Variants in RPS6KA4 observed in about 807,000 individuals in gnomAD.
RPS6KA4 encodes the protein ribosomal protein S6 kinase alpha-4.
In RPS6KA4, 38 loss-of-function variants were observed where a neutral mutation model predicts 89.6. The observed-to-expected ratio is 0.42, with a 90% CI of 0.33 to 0.56. RPS6KA4 has a LOEUF of 0.56. Among genes scored for constraint, RPS6KA4 ranks in the 20% least tolerant of loss-of-function variants. The probability of loss-of-function intolerance (pLI) is 0.07; values close to 1 mark genes in which losing one functional copy is unlikely to be tolerated. For missense variants in RPS6KA4, 873 were observed against 1,098.8 expected, an observed-to-expected ratio of 0.79 and a Z score of 2.90; for synonymous variants, 495 against 492.8, an observed-to-expected ratio of 1.00 and a Z score of -0.06.
chr11:64,361,244 G>A lies in RPS6KA4; in HGVS notation c.570+3G>A. The A allele has an allele frequency of 2.5e-6, 4 of 1,611,682 alleles. No homozygotes were observed. Among genetic ancestry groups the A allele is most frequent in the Non-Finnish European group, 3.4e-6 (4 of 1,178,664 alleles). ...GCAAGGAGTTCCTGACGGAGGAGGTGAGTGGAGGCCACCTCTGCCTGCAGT... is the reference window on the plus strand; with the variant it reads ...GCAAGGAGTTCCTGACGGAGGAGGTAAGTGGAGGCCACCTCTGCCTGCAGT... On this transcript the variant is annotated splice_donor_region_variant and intron_variant, in intron 5 of 16. Coordinates refer to ENST00000334205, the MANE Select transcript of RPS6KA4 (RefSeq NM_003942.3). This position sits in a 1 kb window ranked among gnomAD's most constrained non-coding sequence, Gnocchi z 4.7.
chr11:64,368,635 T>A (rs1591318241), intron 11 of RPS6KA4, 34 bp downstream of exon 11: 2 of 1,528,208 alleles, frequency 1.3e-6, no homozygotes, highest in Non-Finnish European at 1.8e-6. Context: ...GGGGTGGGGG[T>A]GGCAGAGCGC....
chr11:64,361,488 T>A lies in RPS6KA4; in HGVS notation c.590T>A (p.Phe197Tyr), dbSNP rs551883273. The A allele has an allele frequency of 3.1e-6, 5 of 1,614,032 alleles. 1 individual carries two copies. In the African/African-American group the frequency reaches 6.7e-5, roughly 22 times the overall value. Residue 197 changes from phenylalanine (F) to tyrosine (Y), a missense_variant, in exon 6 of 17, where the codon TTC becomes TAC. This residue lies in a region of RPS6KA4 where 542 missense variants were observed against 736.4 expected (regional missense o/e 0.74). Coordinates refer to ENST00000334205, the MANE Select transcript of RPS6KA4 (RefSeq NM_003942.3). The surrounding 1 kb of genome is among the most constrained non-coding windows in gnomAD (Gnocchi z 4.7). ...TCCCAGAAAGAGCGGACCTTCTCCT[T>A]CTGTGGCACCATCGAGTACATGGCC... ...LTEEKERTFS[F>Y]CGTIEYMAPE...
chr11:64,364,074 G>T (rs1350257513), intron 8 of RPS6KA4, among the ~76,000 whole-genome samples: 1 of 151,480 alleles, frequency 6.6e-6, no homozygotes, highest in Non-Finnish European at 1.5e-5. Flanking sequence ...GTCCAGATTA[G>T]CAGACCAGGG....
chr11:64,367,458 G>A (rs964102545), intron 9 of RPS6KA4, among the ~76,000 whole-genome samples: 1 of 152,186 alleles, frequency 6.6e-6, no homozygotes, highest in Non-Finnish European at 1.5e-5. Context: ...TTACAGGCAT[G>A]TGCCACCACG....
chr11:64,371,062 C>T (rs2037056214), intron 16 of RPS6KA4, among the ~76,000 whole-genome samples: 2 of 145,812 alleles, frequency 1.4e-5, no homozygotes, highest in South Asian at 2.2e-4. Context: ...TGAGATTGCA[C>T]CACTGCACTC....
intron 8 of RPS6KA4, 73 bp downstream of exon 8, chr11:64,362,075 G>A (rs989181456): frequency 4.0e-6 from 6 of 1,505,424 alleles, no homozygotes; most frequent in Middle Eastern, 1.8e-4. Context: ...TTGAGGTTGT[G>A]CCTGGCCAGT....
chr11:64,363,286 T>C (rs557007531), intron 8 of RPS6KA4, among the ~76,000 whole-genome samples: 2 of 152,290 alleles, frequency 1.3e-5, no homozygotes, highest in Admixed American at 1.3e-4. Flanking sequence ...TAGGAATCTA[T>C]GTCTTTGAGG....
chr11:64,371,572 C>T lies in RPS6KA4; in HGVS notation c.*92C>T. 1.6e-6 allele frequency: 1 copy of T among 606,760 alleles called. No homozygotes were observed. Among genetic ancestry groups the T allele is most frequent in the Non-Finnish European group, 2.9e-6 (1 of 342,484 alleles). The allele number at this position is 606,760 out of a possible 1,614,324, so 37.6% of individuals were successfully genotyped here. On this transcript the variant is annotated 3_prime_UTR_variant, in exon 17 of 17. Coordinates refer to ENST00000334205, the MANE Select transcript of RPS6KA4 (RefSeq NM_003942.3). The stretch of plus-strand genomic sequence containing the variant: ...GCCTCTGCCTGCGGCTGACCTGATC[C>T]CCAAGGGACTGTCCTTTCCTCTCCT...
intron 10 of RPS6KA4, 87 bp from the exon 11 acceptor site, chr11:64,368,381 C>T (rs1185884181): frequency 1.9e-6 from 3 of 1,543,096 alleles, no homozygotes; most frequent in African/African-American, 2.8e-5. Context: ...CTAAGCCTCT[C>T]CGACATGGGG....
At position 64,360,557 on chromosome 11, in the gene RPS6KA4, G is replaced by A. The variant is rs138221123; in HGVS notation, c.427G>A (p.Gly143Ser). The A allele has an allele frequency of 4.7e-4, 756 of 1,611,726 alleles. No homozygotes were observed. Among genetic ancestry groups the A allele is most frequent in the Admixed American group, 1.1e-3 (64 of 59,776 alleles). The change falls in exon 4 of 17, where the codon GGT becomes AGT. Residue 143 changes from glycine (G) to serine (S), a missense_variant. This residue lies in a region of RPS6KA4 where 542 missense variants were observed against 736.4 expected (regional missense o/e 0.74). Transcript: ENST00000334205. Reference sequence around the variant, plus strand: ...GGAGGCTGAGGTGCGCGTGTATGGGGGTGAGATCGTGCTGGCCCTGGAACA... The same window carrying A: ...GGAGGCTGAGGTGCGCGTGTATGGGAGTGAGATCGTGCTGGCCCTGGAACA... The part of the protein sequence containing the change: ...FKEAEVRVYG[G>S]EIVLALEHLH...
At chr11:64,363,518 A>G (rs530481409) in intron 8 of RPS6KA4, among the ~76,000 whole-genome samples, 1 of 151,280 alleles carries the variant, frequency 6.6e-6, no homozygotes, top group East Asian at 1.9e-4. Context: ...TTTTTTGGAG[A>G]CAGAGTCTTG....
At chr11:64,369,917 G>T in intron 14 of RPS6KA4, 24 bp downstream of exon 14, 1 of 1,514,342 alleles carries the variant, frequency 6.6e-7, no homozygotes, top group Non-Finnish European at 8.9e-7. Context: ...TCCTTGAGGC[G>T]GGGTCAGGGT....
rs766623697 is a variant in RPS6KA4, at chr11:64,368,277, T to C, written c.1200+17T>C. On this transcript the variant is annotated intron_variant, in intron 10 of 16. Transcript: ENST00000334205. ...ATGATGCAGGTGGGCTGGGCTGGGC[T>C]GGGTTGGGGGGAAATTGGTTTTAGG... The C allele has an allele frequency of 2.9e-5, 45 of 1,564,972 alleles. No individual in the cohort carries two copies. Among genetic ancestry groups the C allele is most frequent in the Non-Finnish European group, 3.6e-5 (41 of 1,137,918 alleles).
intron 4 of RPS6KA4, 165 bp from the exon 5 acceptor site, chr11:64,360,969 A>G: frequency 1.7e-6 from 1 of 591,154 alleles, no homozygotes; most frequent in Non-Finnish European, 3.0e-6. Flanking sequence ...TCTTTGTTTT[A>G]TATCTTAAAT....
intron 12 of RPS6KA4, 132 bp from the exon 13 acceptor site, chr11:64,369,314 A>AAGAT (rs2036984747): frequency 1.8e-6 from 2 of 1,098,530 alleles, no homozygotes; most frequent in Non-Finnish European, 2.5e-6. Context: ...GAAAGAAAGA[A>AAGAT]AGAAAAAGGA....
At position 64,369,711 on chromosome 11, in the gene RPS6KA4, G is replaced by A. The variant is rs2037003397; in HGVS notation, c.1615G>A (p.Ala539Thr). 6.2e-7 allele frequency: 1 copy of A among 1,608,648 alleles called. No individual in the cohort carries two copies. The highest frequency in any genetic ancestry group is 8.5e-7 in the Non-Finnish European group (1 of 1,177,100). ...GCCGCCCTCGCAGAACATCCTGTAC[G>A]CCGACGACACGCCCGGGGCCCCGGT... ...RDLKPENILY[A>T]DDTPGAPVKI... Residue 539 changes from alanine to threonine, a missense_variant, in exon 14 of 17, where the codon GCC (alanine) becomes ACC (threonine). Physicochemically the swap from Ala to Thr is moderately conservative, Grantham distance 58 (BLOSUM62 0). This residue lies in a region of RPS6KA4 where 542 missense variants were observed against 736.4 expected (regional missense o/e 0.74). Transcript: ENST00000334205.
In RPS6KA4 at chr11:64,365,403, C is replaced by A; in HGVS notation, c.1009C>A (p.Arg337=). ...DVGNFAEEFT[R]LEPVYSPPGS... is the part of the protein sequence containing the mutation. ...GGGCAACTTTGCGGAGGAATTCACT[C>A]GGCTGGAGCCTGTCTACTCACCCCC... The change falls in exon 9 of 17, where the codon CGG becomes AGG. Residue 337 remains arginine, a synonymous_variant. Transcript: ENST00000334205. The A allele has an allele frequency of 6.2e-7, 1 of 1,614,088 alleles. No homozygotes were observed. Among genetic ancestry groups the A allele is most frequent in the Middle Eastern group, 1.6e-4 (1 of 6,062 alleles).
Position 64,371,291 on chromosome 11 carries a change from C to T in RPS6KA4, c.2130C>T (p.Asn710=). 1 of 1,612,662 alleles carries T rather than the reference C, an allele frequency of 6.2e-7. No homozygotes were observed. The highest frequency in any genetic ancestry group is 1.3e-5 in the African/African-American group (1 of 74,998). The change falls in exon 17 of 17, where the codon AAC becomes AAT. Residue 710 remains asparagine, a synonymous_variant. Coordinates refer to ENST00000334205, the MANE Select transcript of RPS6KA4 (RefSeq NM_003942.3). ...SGLNATFMAF[N]RGKREGFFLK... ...CCTTTCCTTTCTGCCAGGCATTCAA[C>T]CGGGGCAAGCGGGAGGGCTTCTTCC...
rs542239185 is a variant in RPS6KA4 at position 64,359,583 on chromosome 11, C to G, written c.127+134C>G. ...CCCGGCACAGCCTGCCTTGCCTGCC[C>G]CGCCCTGCCTCGCCAGAGTTTGCAT... On this transcript the variant is annotated intron_variant, in intron 2 of 16. Transcript: ENST00000334205. 4.8e-5 allele frequency: 44 copies of G among 910,022 alleles called. No homozygotes were observed. The Middle Eastern group carries it at 1.3e-3, about 28-fold the overall frequency. The allele number at this position is 910,022 out of a possible 1,614,324, so 56.4% of individuals were successfully genotyped here.
Sources: gnomAD v4.1 joint callset for allele counts (sites outside exome capture counted in the v4.1 genomes callset) on GRCh38, gnomAD v4.1.1 for gene constraint, gnomAD v4.1.1 regional missense constraint, Gnocchi (gnomAD v3.1) non-coding constraint, MANE v1.5 for transcripts, NCBI Gene and HGNC (gene_info 2026-07-23, HGNC 2026-07-21) for gene names.